P2RX3: variants seen among roughly 807,000 people sequenced by gnomAD.
The protein encoded by P2RX3 is P2X purinoceptor 3.
Under a neutral mutation model 51.5 loss-of-function variants are expected in P2RX3, and 41 were observed. The observed-to-expected ratio is 0.80, with a 90% confidence interval of 0.62 to 1.03. P2RX3 has a LOEUF of 1.03. Among genes scored for constraint, P2RX3 ranks in the 50% least tolerant of loss-of-function variants. The probability of loss-of-function intolerance (pLI) is 0.00; values close to 1 mark genes in which losing one functional copy is unlikely to be tolerated. For missense variants in P2RX3, 459 were observed against 522.1 expected (o/e 0.88, Z 1.18); for synonymous variants, 185 against 191.6 (o/e 0.97, Z 0.29).
At chr11:57,366,688 G>A (rs947640094) in intron 8 of P2RX3, among the ~76,000 whole-genome samples, 5 of 152,192 alleles carry the variant, frequency 3.3e-5, no homozygotes, top group African/African-American at 7.2e-5. Flanking sequence ...CATGTATAGA[G>A]GCTGAGAAGT....
At chr11:57,343,463 T>A (rs778843946) in intron 1 of P2RX3, among the ~76,000 whole-genome samples, 4 of 152,172 alleles carry the variant, frequency 2.6e-5, no homozygotes, top group Admixed American at 6.5e-5. Context: ...CTGTGAGTGG[T>A]CTGGAGCACG....
intron 8 of P2RX3, among the ~76,000 whole-genome samples, chr11:57,363,017 C>G (rs1856744771): frequency 6.6e-6 from 1 of 152,138 alleles, no homozygotes; most frequent in African/African-American, 2.4e-5. Flanking sequence ...TATGGACACT[C>G]TCTCAACTCA....
At chr11:57,369,823 G>A (rs2276040) in intron 11 of P2RX3, 61 bp from the exon 12 acceptor site, 734,245 of 1,223,348 alleles carry the variant, frequency 0.6, 224,437 homozygotes, top group African/African-American at 0.79. Context: ...GTCAAATGGG[G>A]TCACAAAAGA....
chr11:57,347,251 C>G (rs957250904), intron 3 of P2RX3, 64 bp downstream of exon 3: 1 of 1,563,524 alleles, frequency 6.4e-7, no homozygotes, highest in African/African-American at 1.3e-5. Context: ...GGAGTGGGAG[C>G]AGTGGCAGGG....
chr11:57,346,107 C>T (rs1252959843), intron 1 of P2RX3, among the ~76,000 whole-genome samples: 1 of 152,192 alleles, frequency 6.6e-6, no homozygotes, highest in Non-Finnish European at 1.5e-5. Context: ...ATCCTCTGTC[C>T]TTCTGTCTCC....
chr11:57,337,350 G>GAAAAAAAAAAAAA (rs11339711), upstream of P2RX3, among the ~76,000 whole-genome samples: 46 of 73,474 alleles, frequency 6.3e-4, no homozygotes, highest in Middle Eastern at 7.9e-3. Context: ...AGGAAAGAAA[G>GAAAAAAAAAAAAA]AAAAAAAAAA....
intron 10 of P2RX3, among the ~76,000 whole-genome samples, chr11:57,368,808 G>T (rs1269331740): frequency 6.6e-6 from 1 of 152,172 alleles, no homozygotes; most frequent in Non-Finnish European, 1.5e-5. Context: ...CCTGCCTTCA[G>T]GGACTTCCAC....
chr11:57,343,333 G>A (rs558144117), intron 1 of P2RX3, among the ~76,000 whole-genome samples: 2 of 152,232 alleles, frequency 1.3e-5, no homozygotes, highest in Non-Finnish European at 2.9e-5. Flanking sequence ...TCCTAAGCCA[G>A]GAGATGCTTT....
chr11:57,352,810 C>T (rs1439570317), intron 8 of P2RX3, among the ~76,000 whole-genome samples: 1 of 152,226 alleles, frequency 6.6e-6, no homozygotes, highest in African/African-American at 2.4e-5. Context: ...CCCAAAGACC[C>T]TGCCTGCATA....
In P2RX3 at chr11:57,349,470, A is replaced by T. The variant is rs954436674; in HGVS notation, c.564-287A>T. On this transcript the variant is annotated intron_variant, in intron 6 of 11. Coordinates refer to ENST00000263314, the MANE Select transcript of P2RX3 (RefSeq NM_002559.5). ...AACAGACCGAGACTCCGTCTCAAAA[A>T]AAAAAAAATGCACAGAGTAACCAAG... Among the ~76,000 whole-genome samples, 56 of 152,056 alleles carry T rather than the reference A, an allele frequency of 3.7e-4. 1 individual carries two copies. The highest frequency in any genetic ancestry group is 1.6e-3 in the Admixed American group (25 of 15,278).
At chr11:57,347,719 G>A (rs72923906) in intron 4 of P2RX3, among the ~76,000 whole-genome samples, 3,727 of 152,216 alleles carry the variant, frequency 0.024, 67 homozygotes, top group Non-Finnish European at 0.041. Flanking sequence ...GGCCTGTGCT[G>A]TCCAGGAGGT....
chr11:57,368,991 A>G (rs544582729), intron 10 of P2RX3, among the ~76,000 whole-genome samples: 3 of 152,132 alleles, frequency 2.0e-5, no homozygotes, highest in Admixed American at 6.5e-5. Flanking sequence ...ATCTGCTAAC[A>G]TGCTAGCTCG....
At chr11:57,353,844 C>CG (rs1201126336) in intron 8 of P2RX3, among the ~76,000 whole-genome samples, 2 of 128,110 alleles carry the variant, frequency 1.6e-5, no homozygotes, top group Non-Finnish European at 3.4e-5. Flanking sequence ...CACTCCCCCC[C>CG]CCCCGCCCCT....
At chr11:57,369,115 A>G (rs555230049) in intron 10 of P2RX3, among the ~76,000 whole-genome samples, 15 of 152,316 alleles carry the variant, frequency 9.8e-5, no homozygotes, top group Admixed American at 7.8e-4. Context: ...CAGAGCCCGC[A>G]GGGTCCAATC....
chr11:57,368,325 C>T (rs1856828484), intron 9 of P2RX3, 47 bp from the exon 10 acceptor site: 3 of 1,604,066 alleles, frequency 1.9e-6, no homozygotes, highest in South Asian at 1.1e-5. Flanking sequence ...GCCTCACCCC[C>T]ATCCCATGGG....
At chr11:57,363,265 A>C (rs1456528214) in intron 8 of P2RX3, among the ~76,000 whole-genome samples, 1 of 152,166 alleles carries the variant, frequency 6.6e-6, no homozygotes, top group East Asian at 1.9e-4. Flanking sequence ...GGCAAATTAC[A>C]TCTCTCAGCC....
Position 57,370,618 on chromosome 11 carries a change from A to G in P2RX3, c.*621A>G, listed in dbSNP as rs1856871285. 1 of 152,208 alleles carries G rather than the reference A, an allele frequency of 6.6e-6. No homozygotes were observed. Among genetic ancestry groups the G allele is most frequent in the Admixed American group, 6.5e-5 (1 of 15,282 alleles). 9.4% of individuals were successfully genotyped at this position (152,208 alleles called of 1,614,324 possible). A position where few individuals can be genotyped will look rare whatever the true frequency, so the allele number is the denominator to read the frequency against. ...TAAGCCCCATGCCTTTCCCAGCAACAAAGTTTGCATTTTAGGGAGACTGGT... is the reference window on the plus strand; with the variant it reads ...TAAGCCCCATGCCTTTCCCAGCAACGAAGTTTGCATTTTAGGGAGACTGGT... On this transcript the variant is annotated 3_prime_UTR_variant, in exon 12 of 12. Coordinates refer to ENST00000263314, the MANE Select transcript of P2RX3 (RefSeq NM_002559.5).
In P2RX3 at chr11:57,347,142, C is replaced by A; in HGVS notation, c.282C>A (p.Thr94=). The change falls in exon 3 of 12, where the codon ACC becomes ACA. Residue 94 remains threonine, a synonymous_variant. Coordinates refer to ENST00000263314, the MANE Select transcript of P2RX3 (RefSeq NM_002559.5). ...GCACCTCGGTCTTTGTCATCATCAC[C>A]AAGATGATTGTTACTGAAAATCAGA... ...PQGTSVFVII[T]KMIVTENQMQ... 6.2e-7 allele frequency: 1 copy of A among 1,613,748 alleles called. No homozygotes were observed. Among genetic ancestry groups the A allele is most frequent in the Non-Finnish European group, 8.5e-7 (1 of 1,179,852 alleles).
At chr11:57,336,996 G>A (rs916705236), upstream of P2RX3, among the ~76,000 whole-genome samples, 9 of 152,222 alleles carry the variant, frequency 5.9e-5, no homozygotes, top group African/African-American at 2.2e-4. Flanking sequence ...CTTGAACAAG[G>A]TGAAAACATC....
Sources: gnomAD v4.1 joint callset for allele counts (sites outside exome capture counted in the v4.1 genomes callset) on GRCh38, gnomAD v4.1.1 for gene constraint, MANE v1.5 for transcripts, NCBI Gene and HGNC (gene_info 2026-07-23, HGNC 2026-07-21) for gene names.